The following HTR2C variants were observed in gnomAD, a reference collection of about 807,000 sequenced individuals.
HTR2C encodes 5-hydroxytryptamine receptor 2C.
HTR2C carries 5 observed loss-of-function variants against 21.0 expected under a neutral mutation model. That is an observed-to-expected ratio of 0.24 (90% confidence interval 0.12 to 0.50). The LOEUF (loss-of-function observed/expected upper bound fraction) is 0.50. Among genes scored for constraint, HTR2C ranks in the 20% least tolerant of loss-of-function variants. The probability of loss-of-function intolerance (pLI) is 0.98; values close to 1 mark genes in which losing one functional copy is unlikely to be tolerated. For missense variants in HTR2C, 271 were observed against 371.2 expected (o/e 0.73, Z 2.22); for synonymous variants, 150 against 145.3 (o/e 1.03, Z -0.23).
chrX:114,847,653 G>C (rs1326927364), intron 4 of HTR2C, among the ~76,000 whole-genome samples: 7 of 110,103 alleles, frequency 6.4e-5, no homozygotes, highest in African/African-American at 2.3e-4. Context: ...TGGGAGAATG[G>C]GAAGTAACTG....
intron 4 of HTR2C, among the ~76,000 whole-genome samples, chrX:114,815,215 T>C (rs1351454106): frequency 4.5e-5 from 5 of 109,896 alleles, no homozygotes; most frequent in African/African-American, 1.3e-4. Context: ...TCATAGGTTT[T>C]CAAAATCAAT....
At chrX:114,609,946 A>G (rs1435843804) in intron 1 of HTR2C, among the ~76,000 whole-genome samples, 1 of 112,059 alleles carries the variant, frequency 8.9e-6, no homozygotes, top group Non-Finnish European at 1.9e-5. Context: ...TTTTCATCAC[A>G]GTGGCAATTA....
At chrX:114,896,180 A>G (rs1355950885) in intron 5 of HTR2C, among the ~76,000 whole-genome samples, 1 of 111,842 alleles carries the variant, frequency 8.9e-6, no homozygotes, top group African/African-American at 3.2e-5. Context: ...TGAGTGATCA[A>G]TATCTTATTT....
At chrX:114,814,385 T>A (rs1464189271) in intron 4 of HTR2C, among the ~76,000 whole-genome samples, 2 of 110,591 alleles carry the variant, frequency 1.8e-5, no homozygotes, top group African/African-American at 6.6e-5. Context: ...ATAGATTTAC[T>A]TTAATAATGC....
intron 4 of HTR2C, among the ~76,000 whole-genome samples, chrX:114,806,276 A>G (rs2070431360): frequency 1.0e-5 from 1 of 100,086 alleles, no homozygotes. Flanking sequence ...TACACCATAT[A>G]TATACACACC....
At chrX:114,859,526 A>G (rs1375159876) in intron 5 of HTR2C, among the ~76,000 whole-genome samples, 1 of 111,420 alleles carries the variant, frequency 9.0e-6, no homozygotes, top group Admixed American at 9.5e-5. Flanking sequence ...TTTAATGTCT[A>G]TATAATGTGT....
At chrX:114,638,404 A>T (rs1929937312) in intron 2 of HTR2C, among the ~76,000 whole-genome samples, 1 of 111,716 alleles carries the variant, frequency 9.0e-6, no homozygotes, top group Admixed American at 9.6e-5. Context: ...GTTAGCAAGC[A>T]TATAGATCAA....
rs1387480421 is a variant in HTR2C at position 114,909,899 on chromosome X, G to A, written c.*2484G>A. The stretch of plus-strand genomic sequence containing the variant: ...ATATATGTATATCTGTGTAAGACAC[G>A]TGCAACAGACTGCCTTATATTATTT... On this transcript the variant is annotated 3_prime_UTR_variant, in exon 6 of 6. Transcript: ENST00000276198. 1.8e-5 allele frequency: 2 copies of A among 112,345 alleles called. No homozygotes were observed. Among genetic ancestry groups the A allele is most frequent in the African/African-American group, 6.5e-5 (2 of 30,857 alleles). 9.3% of individuals were successfully genotyped at this position (112,345 alleles called of 1,213,427 possible). A position where few individuals can be genotyped will look rare whatever the true frequency, so the allele number is the denominator to read the frequency against.
At chrX:114,653,958 C>A (rs1222100728) in intron 2 of HTR2C, among the ~76,000 whole-genome samples, 1 of 110,249 alleles carries the variant, frequency 9.1e-6, no homozygotes, top group South Asian at 3.8e-4. Context: ...CGCTGCAGAA[C>A]CTTGTCTGTC....
chrX:114,802,458 T>C (rs980485437), intron 4 of HTR2C, among the ~76,000 whole-genome samples: 1 of 111,272 alleles, frequency 9.0e-6, no homozygotes, highest in African/African-American at 3.3e-5. Context: ...ATCCAAAATG[T>C]AGCCATCTTA....
At chrX:114,732,145 A>G (rs2069543609) in intron 4 of HTR2C, among the ~76,000 whole-genome samples, 1 of 112,476 alleles carries the variant, frequency 8.9e-6, no homozygotes, top group South Asian at 3.6e-4. Flanking sequence ...AAAATTAATT[A>G]CTAAGTATAT....
At chrX:114,876,828 T>C (rs1306277539) in intron 5 of HTR2C, among the ~76,000 whole-genome samples, 1 of 88,188 alleles carries the variant, frequency 1.1e-5, no homozygotes, top group Admixed American at 1.4e-4. Flanking sequence ...AGCTGTTGAA[T>C]TCAGTATGCT....
chrX:114,862,632 TTATG>T (rs1189339164), intron 5 of HTR2C, among the ~76,000 whole-genome samples: 1 of 110,985 alleles, frequency 9.0e-6, no homozygotes, highest in East Asian at 2.8e-4. Flanking sequence ...ATATTTTTCT[TTATG>T]TATATATAAT....
At chrX:114,727,558 C>A (rs2069494999) in intron 3 of HTR2C, among the ~76,000 whole-genome samples, 1 of 111,823 alleles carries the variant, frequency 8.9e-6, no homozygotes, top group Non-Finnish European at 1.9e-5. Flanking sequence ...GGTATACCTT[C>A]TTTTTACATA....
intron 1 of HTR2C, among the ~76,000 whole-genome samples, chrX:114,611,183 G>A (rs782292841): frequency 9.0e-6 from 1 of 111,587 alleles, no homozygotes; most frequent in Non-Finnish European, 1.9e-5. Flanking sequence ...AGCACACATT[G>A]TTCTGTCTGC....
At chrX:114,901,439 G>T (rs1187188226) in intron 5 of HTR2C, among the ~76,000 whole-genome samples, 1 of 111,745 alleles carries the variant, frequency 8.9e-6, no homozygotes, top group Non-Finnish European at 1.9e-5. Context: ...AGTAGTAGTT[G>T]TAACAGCAGT....
chrX:114,836,305 C>T (rs1362543657), intron 4 of HTR2C, among the ~76,000 whole-genome samples: 2 of 111,642 alleles, frequency 1.8e-5, no homozygotes, highest in African/African-American at 3.2e-5. Flanking sequence ...CTCCCCCAGC[C>T]TCGCTGCCGC....
chrX:114,904,850 T>A (rs1306815145), intron 5 of HTR2C, among the ~76,000 whole-genome samples: 3 of 107,459 alleles, frequency 2.8e-5, no homozygotes, highest in African/African-American at 1.0e-4. Context: ...ATTTTTCACA[T>A]AAAGATTTAA....
chrX:114,748,732 C>T (rs1289993711), intron 4 of HTR2C, among the ~76,000 whole-genome samples: 1 of 111,722 alleles, frequency 9.0e-6, no homozygotes, highest in Non-Finnish European at 1.9e-5. Flanking sequence ...CAAAAATAAA[C>T]TCAAAATGGA....
Sources: allele counts gnomAD v4.1 joint callset (sites outside exome capture counted in the v4.1 genomes callset), GRCh38; gene constraint gnomAD v4.1.1; transcripts MANE v1.5; gene names NCBI Gene and HGNC (gene_info 2026-07-23, HGNC 2026-07-21).